SLC28A3: variants seen among roughly 807,000 people sequenced by gnomAD.
The protein encoded by SLC28A3 is solute carrier family 28 member 3.
Under a neutral mutation model 84.2 loss-of-function variants are expected in SLC28A3, and 68 were observed. The ratio of observed to expected loss-of-function variants is 0.81; its 90% CI spans 0.66 to 0.99. The LOEUF (loss-of-function observed/expected upper bound fraction) is 0.99. SLC28A3 is among the 50% of genes least tolerant of loss of function. The pLI is 0.00. For missense variants in SLC28A3, 712 were observed against 841.5 expected (o/e 0.85, Z 1.90); for synonymous variants, 267 against 303.6 (o/e 0.88, Z 1.25).
chr9:84,354,308 C>G, the SLC28A3 span, among the ~76,000 whole-genome samples: 1 of 152,320 alleles, frequency 6.6e-6, no homozygotes, highest in South Asian at 2.1e-4. Flanking sequence ...TAGGGCTGTG[C>G]ATGGAGGCAA....
At position 84,308,271 on chromosome 9, in the gene SLC28A3, C is replaced by T. The variant is rs1022218652; in HGVS notation, c.242+1358G>A. Among the ~76,000 whole-genome samples the T allele has an allele frequency of 9.9e-5, 15 of 151,998 alleles. No individual in the cohort carries two copies. The East Asian group carries it at 1.7e-3, about 18-fold the overall frequency. ...AAATTAAAATATATTTCTGGCCGGG[C>T]GTGGTGGCTCACACCTGTAATCCTG... On this transcript the variant is annotated intron_variant, in intron 3 of 17. Coordinates refer to ENST00000376238, the MANE Select transcript of SLC28A3 (RefSeq NM_001199633.2).
intron 8 of SLC28A3, among the ~76,000 whole-genome samples, chr9:84,295,855 C>A (rs1348654048): frequency 1.3e-5 from 2 of 152,052 alleles, no homozygotes; most frequent in Non-Finnish European, 2.9e-5. Context: ...TGTACAGGAT[C>A]TAATTTAGAA....
chr9:84,339,954 T>A (rs112639126), intron 1 of SLC28A3, among the ~76,000 whole-genome samples: 1,840 of 152,196 alleles, frequency 0.012, 31 homozygotes, highest in African/African-American at 0.036. Flanking sequence ...CCATGCTGAG[T>A]GTCAGCTAAG....
In SLC28A3 at chr9:84,312,542, CTT is replaced by C. The variant is rs35691184; in HGVS notation, c.156+815_156+816del. On this transcript the variant is annotated intron_variant, in intron 2 of 17. Transcript: ENST00000376238. ...ACACACTAGTGGGCACCCCAAATTCCTTTTTTTTTTTTTTTTTTGAGAATCTC... is the reference window on the plus strand; with the variant it reads ...ACACACTAGTGGGCACCCCAAATTCCTTTTTTTTTTTTTTTTGAGAATCTC... Among the ~76,000 whole-genome samples the C allele has an allele frequency of 6.4e-3, 858 of 134,312 alleles. 2 individuals are homozygous for C. The highest frequency in any genetic ancestry group is 7.6e-3 in the Admixed American group (100 of 13,126). The allele number at this position is 134,312 out of a possible 152,430, so 88.1% of individuals were successfully genotyped here.
upstream of SLC28A3, among the ~76,000 whole-genome samples, chr9:84,342,427 G>C (rs1827181821): frequency 7.6e-6 from 1 of 130,914 alleles, no homozygotes; most frequent in Admixed American, 7.1e-5. Flanking sequence ...GTTACAAGTA[G>C]ATTCTTGTGT....
intron 10 of SLC28A3, among the ~76,000 whole-genome samples, chr9:84,292,037 G>T (rs1469241493): frequency 2.0e-5 from 3 of 152,306 alleles, no homozygotes; most frequent in Admixed American, 6.5e-5. Flanking sequence ...TATTTTTGAT[G>T]AGAAGAGAAA....
At chr9:84,355,436 T>C in the SLC28A3 span, among the ~76,000 whole-genome samples, 1 of 152,092 alleles carries the variant, frequency 6.6e-6, no homozygotes, top group African/African-American at 2.4e-5. Context: ...AGACCATGTC[T>C]TGGGGGAAAA....
intron 1 of SLC28A3, among the ~76,000 whole-genome samples, chr9:84,324,779 C>A (rs1405127268): frequency 2.6e-5 from 4 of 152,142 alleles, no homozygotes; most frequent in African/African-American, 9.7e-5. Flanking sequence ...TGTTTGGAAC[C>A]TTTGGTATTC....
the SLC28A3 span, among the ~76,000 whole-genome samples, chr9:84,348,636 G>A: frequency 6.6e-6 from 1 of 152,228 alleles, no homozygotes; most frequent in Non-Finnish European, 1.5e-5. Context: ...TATCACTGAT[G>A]TGACAGTATA....
chr9:84,353,707 C>T, the SLC28A3 span, among the ~76,000 whole-genome samples: 4 of 152,162 alleles, frequency 2.6e-5, no homozygotes, highest in African/African-American at 9.7e-5. Flanking sequence ...AAGACTCTGT[C>T]TCCAAAAACA....
intron 1 of SLC28A3, among the ~76,000 whole-genome samples, chr9:84,323,671 C>G (rs750919869): frequency 6.6e-6 from 1 of 152,038 alleles, no homozygotes; most frequent in Non-Finnish European, 1.5e-5. Flanking sequence ...GATCCGACCC[C>G]CTCAGCCTCC....
At chr9:84,309,916 C>T (rs1184149761) in intron 2 of SLC28A3, among the ~76,000 whole-genome samples, 1 of 152,164 alleles carries the variant, frequency 6.6e-6, no homozygotes, top group Non-Finnish European at 1.5e-5. Context: ...CAGGTTCATA[C>T]TGAACTCTTC....
chr9:84,359,064 A>G, the SLC28A3 span, among the ~76,000 whole-genome samples: 1 of 152,186 alleles, frequency 6.6e-6, no homozygotes, highest in Non-Finnish European at 1.5e-5. Flanking sequence ...TCCGCCTCCT[A>G]AAGTGCTGGA....
intron 3 of SLC28A3, among the ~76,000 whole-genome samples, chr9:84,307,342 A>G (rs1311361484): frequency 1.3e-5 from 2 of 151,660 alleles, no homozygotes; most frequent in Non-Finnish European, 1.5e-5. Flanking sequence ...AAGGCAGGAG[A>G]ATCGCTTGAA....
chr9:84,302,154 G>A, intron 5 of SLC28A3, 46 bp downstream of exon 5: 1 of 1,575,790 alleles, frequency 6.3e-7, no homozygotes, highest in African/African-American at 1.4e-5. Context: ...TGTTGGAAAG[G>A]ACTACTATCT....
the SLC28A3 span, among the ~76,000 whole-genome samples, chr9:84,353,060 G>A: frequency 2.6e-5 from 4 of 151,862 alleles, no homozygotes; most frequent in African/African-American, 9.7e-5. Flanking sequence ...GTCATTATCA[G>A]GTCAAGCCAT....
In SLC28A3 at chr9:84,308,471, G is replaced by A. The variant is rs191963223; in HGVS notation, c.242+1158C>T. ...TGAGGCAGGATAATTGCTTGAACCC[G>A]GGAGATGGAGGTTTCAGTGAGCTGA... On this transcript the variant is annotated intron_variant, in intron 3 of 17. Transcript: ENST00000376238. Among the ~76,000 whole-genome samples the A allele has an allele frequency of 2.0e-5, 3 of 152,060 alleles. 1 individual carries two copies. Among genetic ancestry groups the A allele is most frequent in the Middle Eastern group, 6.8e-3 (2 of 294 alleles).
At chr9:84,280,710 G>T in intron 15 of SLC28A3, 91 bp downstream of exon 15, 3 of 1,303,338 alleles carry the variant, frequency 2.3e-6, no homozygotes, top group Non-Finnish European at 1.1e-6. Flanking sequence ...AAAGGCCTTT[G>T]TTTTTTCTGA....
chr9:84,347,819 C>A, the SLC28A3 span, among the ~76,000 whole-genome samples: 2 of 152,194 alleles, frequency 1.3e-5, no homozygotes, highest in African/African-American at 4.8e-5. Context: ...TAGCGTAGTG[C>A]TTGGAACAGC....
Sources: gnomAD v4.1 joint callset for allele counts (sites outside exome capture counted in the v4.1 genomes callset) on GRCh38, gnomAD v4.1.1 for gene constraint, MANE v1.5 for transcripts, NCBI Gene and HGNC (gene_info 2026-07-23, HGNC 2026-07-21) for gene names.